The following PTPRM variants were observed in gnomAD, a reference collection of about 807,000 sequenced individuals.
The protein encoded by PTPRM is protein tyrosine phosphatase receptor type M.
A neutral mutation model predicts 186.7 loss-of-function variants in PTPRM; 47 were observed. That is an observed-to-expected ratio of 0.25 (90% confidence interval 0.20 to 0.32). The LOEUF (loss-of-function observed/expected upper bound fraction) is 0.32, where lower values mean the gene tolerates loss of function less well. Among genes scored for constraint, PTPRM ranks in the 10% least tolerant of loss-of-function variants. The pLI, the probability that PTPRM is intolerant of heterozygous loss-of-function variation, is 1.00. For synonymous variants in PTPRM, 668 were observed against 674.9 expected, an observed-to-expected ratio of 0.99 and a Z score of 0.16; for missense variants, 1,494 against 1,865.0, an observed-to-expected ratio of 0.80 and a Z score of 3.66.
Position 8,318,285 on chromosome 18 carries a change from C to CT in PTPRM, c.2920-864dup, listed in dbSNP as rs140026832. ...TATCCTACAATTTTTTTGTTTCCTT[C>CT]TTTTTTTTTTTTTTTTTTTTTTTTT... On this transcript the variant is annotated intron_variant, in intron 21 of 32. Transcript: ENST00000580170. 7.1e-3 allele frequency among the ~76,000 whole-genome samples: 428 copies of CT among 59,920 alleles called. 46 individuals carry two copies. Among genetic ancestry groups the CT allele is most frequent in the African/African-American group, 0.03 (399 of 13,490 alleles). The allele number at this position is 59,920 out of a possible 152,430, so 39.3% of individuals were successfully genotyped here.
chr18:7,685,801 C>A (rs1476936893), intron 1 of PTPRM, among the ~76,000 whole-genome samples: 2 of 152,072 alleles, frequency 1.3e-5, no homozygotes, highest in African/African-American at 2.4e-5. Flanking sequence ...TAATTCATCT[C>A]TAGAAAGAGC....
At chr18:8,377,089 A>G (rs1170543882) in intron 26 of PTPRM, 1 of 153,978 alleles carries the variant, frequency 6.5e-6, no homozygotes, top group Non-Finnish European at 1.4e-5. Flanking sequence ...AGTACTGTAT[A>G]CTAACTAGTA....
At chr18:7,839,449 TC>T (rs1165986767) in intron 2 of PTPRM, among the ~76,000 whole-genome samples, 1 of 152,174 alleles carries the variant, frequency 6.6e-6, no homozygotes, top group Non-Finnish European at 1.5e-5. Context: ...GGCAGTAGGT[TC>T]CCTTCTGGCC....
intron 1 of PTPRM, among the ~76,000 whole-genome samples, chr18:7,647,795 T>C (rs1382745012): frequency 6.6e-6 from 1 of 152,274 alleles, no homozygotes; most frequent in East Asian, 1.9e-4. Flanking sequence ...CCAGGAGGAC[T>C]TGTGAAAACA....
At chr18:8,261,138 C>T (rs1367193912) in intron 19 of PTPRM, among the ~76,000 whole-genome samples, 3 of 152,160 alleles carry the variant, frequency 2.0e-5, no homozygotes, top group East Asian at 1.9e-4. Context: ...CTTCATATTT[C>T]GAGGGACCAG....
At chr18:8,169,334 T>A (rs953778021) in intron 14 of PTPRM, among the ~76,000 whole-genome samples, 1 of 147,268 alleles carries the variant, frequency 6.8e-6, no homozygotes, top group East Asian at 1.9e-4. Flanking sequence ...AAATACCATG[T>A]TGATTTGGGC....
At chr18:8,390,683 C>T (rs1388505964) in intron 31 of PTPRM, among the ~76,000 whole-genome samples, 1 of 152,172 alleles carries the variant, frequency 6.6e-6, no homozygotes, top group African/African-American at 2.4e-5. Flanking sequence ...AATCCCAGCA[C>T]TTTGGGAGGC....
intron 7 of PTPRM, among the ~76,000 whole-genome samples, chr18:8,023,860 ACACACACACACG>A (rs1324243418): frequency 5.6e-5 from 8 of 142,684 alleles, no homozygotes; most frequent in South Asian, 2.4e-4. Context: ...ACACACACAC[ACACACACACACG>A]CACACCCCTC....
rs909573650 is a variant in PTPRM at position 7,568,800 on chromosome 18, T to A, written c.73+909T>A. ...CACGGAGAGGATCTGTGGATCGGAG[T>A]CGGGGGTCCGGCGTGGGGGCGAACC... On this transcript the variant is annotated intron_variant, in intron 1 of 32. Coordinates refer to ENST00000580170, the MANE Select transcript of PTPRM (RefSeq NM_001105244.2). This position sits in a 1 kb window ranked among gnomAD's most constrained non-coding sequence, Gnocchi z 5.1. 2.6e-5 allele frequency among the ~76,000 whole-genome samples: 4 copies of A among 151,788 alleles called. No homozygotes were observed. Among genetic ancestry groups the A allele is most frequent in the African/African-American group, 9.7e-5 (4 of 41,324 alleles).
At chr18:7,581,838 T>C (rs1466934131) in intron 1 of PTPRM, among the ~76,000 whole-genome samples, 1 of 151,914 alleles carries the variant, frequency 6.6e-6, no homozygotes, top group Non-Finnish European at 1.5e-5. Context: ...AAAAATTTTT[T>C]TTGAAGAGAT....
At chr18:7,640,727 A>G (rs2038424289) in intron 1 of PTPRM, among the ~76,000 whole-genome samples, 2 of 152,188 alleles carry the variant, frequency 1.3e-5, no homozygotes, top group South Asian at 4.1e-4. Flanking sequence ...TGCTGCTGGA[A>G]TCTGGCCTTT....
rs657374 is a variant in PTPRM, at chr18:8,380,475, T to G, written c.3918+48T>G. On this transcript the variant is annotated intron_variant, in intron 29 of 32. Coordinates refer to ENST00000580170, the MANE Select transcript of PTPRM (RefSeq NM_001105244.2). Reference sequence around the variant, plus strand: ...TCAGAACTAGTGCCAGGGGGTCAAGTTTGTTTTTACACTGAGTTTGTTTGC... The same window carrying G: ...TCAGAACTAGTGCCAGGGGGTCAAGGTTGTTTTTACACTGAGTTTGTTTGC... 8.9e-5 allele frequency: 144 copies of G among 1,609,092 alleles called. 1 individual carries two copies. In the African/African-American group the frequency reaches 1.8e-3, roughly 20 times the overall value.
chr18:7,815,496 T>G (rs187735631), intron 2 of PTPRM: 30 of 152,274 alleles, frequency 2.0e-4, no homozygotes, highest in Admixed American at 1.8e-3. Context: ...ATATTTTTCC[T>G]CATAGAGATG....
rs2093041566 is a variant in PTPRM, at chr18:8,152,825, CT to C, written c.2300+9048del. On this transcript the variant is annotated intron_variant, in intron 14 of 32. Coordinates refer to ENST00000580170, the MANE Select transcript of PTPRM (RefSeq NM_001105244.2). Reference sequence around the variant, plus strand: ...CTCCGCCTCCTGGGTTCAAGCAGTTCTTCTGCCTCAGCCTCCCAAGTAGCTG... The same window carrying C: ...CTCCGCCTCCTGGGTTCAAGCAGTTCTCTGCCTCAGCCTCCCAAGTAGCTG... 8.4e-5 allele frequency among the ~76,000 whole-genome samples: 12 copies of C among 143,580 alleles called. No individual in the cohort carries two copies. The South Asian group carries it at 2.8e-3, about 33-fold the overall frequency. The allele number at this position is 143,580 out of a possible 152,430, so 94.2% of individuals were successfully genotyped here. A position where few individuals can be genotyped will look rare whatever the true frequency, so the allele number is the denominator to read the frequency against.
intron 14 of PTPRM, among the ~76,000 whole-genome samples, chr18:8,200,007 G>T (rs533727579): frequency 1.3e-5 from 2 of 152,130 alleles, no homozygotes; most frequent in South Asian, 2.1e-4. Flanking sequence ...GATAAATATT[G>T]CTACTCATGC....
intron 11 of PTPRM, among the ~76,000 whole-genome samples, chr18:8,111,716 A>G (rs1196016768): frequency 1.3e-5 from 2 of 152,230 alleles, no homozygotes; most frequent in South Asian, 2.1e-4. Flanking sequence ...AGTTGAATAA[A>G]AATTCTAGAT....
intron 13 of PTPRM, among the ~76,000 whole-genome samples, chr18:8,118,799 CAA>C (rs71354599): frequency 0.048 from 5,676 of 119,336 alleles, 142 homozygotes; most frequent in South Asian, 0.078. Context: ...CATTCCATCT[CAA>C]AAAAAAAAAA....
In PTPRM at chr18:7,568,375, C is replaced by T. The variant is rs1328849633; in HGVS notation, c.73+484C>T. Among the ~76,000 whole-genome samples, 1 of 151,796 alleles carries T rather than the reference C, an allele frequency of 6.6e-6. No homozygotes were observed. The highest frequency in any genetic ancestry group is 1.5e-5 in the Non-Finnish European group (1 of 67,914). ...CGCAGCGATCGCCGGGAACTGGCGG[C>T]CGCTCCGGCGGCGGCGATCTCCCGG... is the stretch of plus-strand genomic sequence containing the variant. On this transcript the variant is annotated intron_variant, in intron 1 of 32. Coordinates refer to ENST00000580170, the MANE Select transcript of PTPRM (RefSeq NM_001105244.2). This position sits in a 1 kb window ranked among gnomAD's most constrained non-coding sequence, Gnocchi z 5.1.
chr18:7,745,497 GC>G (rs2040967720), intron 1 of PTPRM, among the ~76,000 whole-genome samples: 8 of 152,216 alleles, frequency 5.3e-5, no homozygotes, highest in Admixed American at 5.2e-4. Context: ...TTTAGGGCCT[GC>G]CAAGGAAGAG....
Sources: allele counts gnomAD v4.1 joint callset (sites outside exome capture counted in the v4.1 genomes callset), GRCh38; gene constraint gnomAD v4.1.1; non-coding constraint Gnocchi (gnomAD v3.1); transcripts MANE v1.5; gene names NCBI Gene and HGNC (gene_info 2026-07-23, HGNC 2026-07-21).